Variants in INMT observed in about 807,000 individuals in gnomAD.
INMT encodes the protein amine N-methyltransferase.
In INMT, 11 loss-of-function variants were observed where a neutral mutation model predicts 11.5. That is an observed-to-expected ratio of 0.95 (90% confidence interval 0.60 to 1.58). INMT has a LOEUF of 1.58. Among genes scored for constraint, INMT ranks in the 40% most tolerant of loss-of-function variants. The pLI is 0.00. For missense variants in INMT, 316 were observed against 336.1 expected, an observed-to-expected ratio of 0.94 and a Z score of 0.47; for synonymous variants, 155 against 142.9, an observed-to-expected ratio of 1.08 and a Z score of -0.60.
Position 30,757,394 on chromosome 7 carries a change from G to A in INMT, c.*1543G>A. 1 of 244,044 alleles carries A rather than the reference G, an allele frequency of 4.1e-6. No individual in the cohort carries two copies. The allele number at this position is 244,044 out of a possible 1,614,324, so 15.1% of individuals were successfully genotyped here. ...GCCAAAGCTGTCCGTTTTGCAGATG[G>A]ACAGGAAGGAGCCAGGACACAGCTC... On this transcript the variant is annotated 3_prime_UTR_variant, in exon 3 of 3. Transcript: ENST00000013222.
rs886623687 is a variant in INMT, at chr7:30,753,744, GGACACGCT to G, written c.171_178del (p.Thr58Ter). 3 of 1,613,948 alleles carry G rather than the reference GGACACGCT, an allele frequency of 1.9e-6. No individual in the cohort carries two copies. Among genetic ancestry groups the G allele is most frequent in the African/African-American group, 2.7e-5 (2 of 74,892 alleles). ...TCCCTCCCACAGGAGGCCTCCAAGG[GGACACGCT>G]GATTGACATTGGCTCAGGTCCTACC... On this transcript the variant is annotated frameshift_variant, in exon 2 of 3. Coordinates refer to ENST00000013222, the MANE Select transcript of INMT (RefSeq NM_006774.5). LOFTEE classifies it high-confidence loss of function.
chr7:30,755,771 A>G lies in INMT; in HGVS notation c.712A>G (p.Ser238Gly), dbSNP rs776680865. ...AGFDIEQLLH[S>G]PQSYSVTNAA... ...CTTTGACATTGAACAGCTCCTACAC[A>G]GTCCCCAGAGCTACTCTGTCACCAA... The change falls in exon 3 of 3, where the codon AGT becomes GGT. Residue 238 changes from serine to glycine, a missense_variant. Physicochemically the swap from Ser to Gly is moderately conservative, Grantham distance 56. Coordinates refer to ENST00000013222, the MANE Select transcript of INMT (RefSeq NM_006774.5). 2.0e-5 allele frequency: 33 copies of G among 1,614,022 alleles called. No homozygotes were observed. Among genetic ancestry groups the G allele is most frequent in the Non-Finnish European group, 2.7e-5 (32 of 1,180,016 alleles).
chr7:30,755,873 T>G lies in INMT; in HGVS notation c.*22T>G, dbSNP rs1447591162. ...CTGAGCCAGGAGGGCCAGCCAGAGG[T>G]CTGGTCAGGCTGTGAGGCCTTGGCC... is the stretch of plus-strand genomic sequence containing the variant. On this transcript the variant is annotated 3_prime_UTR_variant, in exon 3 of 3. Transcript: ENST00000013222. 6.3e-7 allele frequency: 1 copy of G among 1,594,020 alleles called. No homozygotes were observed. Among genetic ancestry groups the G allele is most frequent in the Non-Finnish European group, 8.5e-7 (1 of 1,170,670 alleles).
At chr7:30,752,423 G>C in intron 1 of INMT, 119 bp downstream of exon 1, 1 of 745,606 alleles carries the variant, frequency 1.3e-6, no homozygotes, top group Admixed American at 2.6e-5. Flanking sequence ...ATGGGCTGGG[G>C]GAGCTTCTGG....
Position 30,755,521 on chromosome 7 carries a change from G to A in INMT, c.462G>A (p.Leu154=), listed in dbSNP as rs1054892616. The change falls in exon 3 of 3, where the codon TTG becomes TTA. Residue 154 remains leucine, a synonymous_variant. Transcript: ENST00000013222. Reference sequence around the variant, plus strand: ...GCAACCCGCTGGCCCCGGCTGTGTTGCCTCTCGCCGACTGTGTGCTCACCC... The same window carrying A: ...GCAACCCGCTGGCCCCGGCTGTGTTACCTCTCGCCGACTGTGTGCTCACCC... ...HLGNPLAPAV[L]PLADCVLTLL... The A allele has an allele frequency of 6.2e-7, 1 of 1,609,330 alleles. No individual in the cohort carries two copies. Among genetic ancestry groups the A allele is most frequent in the East Asian group, 2.2e-5 (1 of 44,888 alleles).
Position 30,755,639 on chromosome 7 carries a change from G to T in INMT, c.580G>T (p.Val194Leu). Residue 194 changes from valine to leucine, a missense_variant, in exon 3 of 3, where the codon GTG (valine) becomes TTG (leucine). Coordinates refer to ENST00000013222, the MANE Select transcript of INMT (RefSeq NM_006774.5). ...ACTGCTCAAGCCGGGTGGCCACCTG[G>T]TGACCACTGTCACGCTTCGGCTCCC... The part of the protein sequence containing the change: ...ASLLKPGGHL[V>L]TTVTLRLPSY... 6.2e-7 allele frequency: 1 copy of T among 1,614,220 alleles called. No individual in the cohort carries two copies. Among genetic ancestry groups the T allele is most frequent in the Non-Finnish European group, 8.5e-7 (1 of 1,180,042 alleles).
chr7:30,757,344 T>A lies in INMT; in HGVS notation c.*1493T>A. 1 of 224,936 alleles carries A rather than the reference T, an allele frequency of 4.4e-6. No homozygotes were observed. Among genetic ancestry groups the A allele is most frequent in the Non-Finnish European group, 8.7e-6 (1 of 114,570 alleles). 13.9% of individuals were successfully genotyped at this position (224,936 alleles called of 1,614,324 possible). ...ACATGGCTTGACATGGTGGGCACACTGGCGCCCAGTAAGAGAGAGAGAGAG... is the reference window on the plus strand; with the variant it reads ...ACATGGCTTGACATGGTGGGCACACAGGCGCCCAGTAAGAGAGAGAGAGAG... On this transcript the variant is annotated 3_prime_UTR_variant, in exon 3 of 3. Transcript: ENST00000013222.
chr7:30,754,321 A>C lies in INMT; in HGVS notation c.362+383A>C, dbSNP rs1252641222. 6.6e-6 allele frequency among the ~76,000 whole-genome samples: 1 copy of C among 151,584 alleles called. No individual in the cohort carries two copies. Among genetic ancestry groups the C allele is most frequent in the Non-Finnish European group, 1.5e-5 (1 of 67,930 alleles). On this transcript the variant is annotated intron_variant, in intron 2 of 2. Coordinates refer to ENST00000013222, the MANE Select transcript of INMT (RefSeq NM_006774.5). The surrounding 1 kb of genome is among the most constrained non-coding windows in gnomAD (Gnocchi z 4.9). ...CACCGGTTCATCCATTCATCCATCC[A>C]TCCATCCATCCATCCATATTCATGC... is the stretch of plus-strand genomic sequence containing the variant.
At position 30,754,413 on chromosome 7, in the gene INMT, A is replaced by ATC. The variant is rs1786172211; in HGVS notation, c.362+477_362+478dup. 6.7e-6 allele frequency among the ~76,000 whole-genome samples: 1 copy of ATC among 149,894 alleles called. No homozygotes were observed. The highest frequency in any genetic ancestry group is 1.5e-5 in the Non-Finnish European group (1 of 67,608). On this transcript the variant is annotated intron_variant, in intron 2 of 2. Coordinates refer to ENST00000013222, the MANE Select transcript of INMT (RefSeq NM_006774.5). The surrounding 1 kb of genome is among the most constrained non-coding windows in gnomAD (Gnocchi z 4.9). ...CAACTAGCCGTTCACCTATCCATCC[A>ATC]TCTATCCATCCGTCCATTCATCCAT... is the stretch of plus-strand genomic sequence containing the variant.
Position 30,756,223 on chromosome 7 carries a change from T to A in INMT, c.*372T>A, listed in dbSNP as rs1399665811. The A allele has an allele frequency of 1.0e-6, 1 of 1,001,724 alleles. No individual in the cohort carries two copies. Among genetic ancestry groups the A allele is most frequent in the African/African-American group, 1.8e-5 (1 of 56,356 alleles). 62.1% of individuals were successfully genotyped at this position (1,001,724 alleles called of 1,614,324 possible). A position where few individuals can be genotyped will look rare whatever the true frequency, so the allele number is the denominator to read the frequency against. The stretch of plus-strand genomic sequence containing the variant: ...TAAGGACAAGGAAACCTCTGGACAG[T>A]GGTATATTGGGGAATTTTTTTTTTT... On this transcript the variant is annotated 3_prime_UTR_variant, in exon 3 of 3. Coordinates refer to ENST00000013222, the MANE Select transcript of INMT (RefSeq NM_006774.5).
intron 1 of INMT, among the ~76,000 whole-genome samples, chr7:30,753,186 T>A (rs966142786): frequency 1.3e-5 from 2 of 152,214 alleles, no homozygotes; most frequent in Non-Finnish European, 2.9e-5. Context: ...TGGGGCCATC[T>A]TCCCAGATCA....
rs554240020 is a variant in INMT at position 30,754,940 on chromosome 7, A to G, written c.363-482A>G. ...AAATTTTTTTCTTGCATACTTATGT[A>G]TATCTAAACAATCTATAATTTAGTT... On this transcript the variant is annotated intron_variant, in intron 2 of 2. Coordinates refer to ENST00000013222, the MANE Select transcript of INMT (RefSeq NM_006774.5). This position sits in a 1 kb window ranked among gnomAD's most constrained non-coding sequence, Gnocchi z 4.9. 8.7e-4 allele frequency among the ~76,000 whole-genome samples: 133 copies of G among 152,290 alleles called. No individual in the cohort carries two copies. The highest frequency in any genetic ancestry group is 2.9e-3 in the African/African-American group (119 of 41,550).
rs1199265997 is a variant in INMT at position 30,753,899 on chromosome 7, C to G, written c.323C>G (p.Thr108Ser). Residue 108 changes from threonine (T) to serine (S), a missense_variant, in exon 2 of 3, where the codon ACC becomes AGC. Thr to Ser is a moderately conservative substitution (Grantham distance 58). Coordinates refer to ENST00000013222, the MANE Select transcript of INMT (RefSeq NM_006774.5). Reference sequence around the variant, plus strand: ...AAGGAGCCGGGGGCCTATGACTGGACCCCAGCGGTGAAATTCGCCTGTGAG... The same window carrying G: ...AAGGAGCCGGGGGCCTATGACTGGAGCCCAGCGGTGAAATTCGCCTGTGAG... ...LKKEPGAYDWTPAVKFACELE... is the reference protein window; with the variant it reads ...LKKEPGAYDWSPAVKFACELE... 1 of 1,614,148 alleles carries G rather than the reference C, an allele frequency of 6.2e-7. No homozygotes were observed. The highest frequency in any genetic ancestry group is 1.7e-5 in the Admixed American group (1 of 60,022).
At chr7:30,753,105 C>T (rs767710445) in intron 1 of INMT, among the ~76,000 whole-genome samples, 6 of 152,188 alleles carry the variant, frequency 3.9e-5, no homozygotes, top group Non-Finnish European at 1.5e-5. Flanking sequence ...GATGGCCCCA[C>T]GCCAGGGCTC....
intron 1 of INMT, among the ~76,000 whole-genome samples, chr7:30,752,608 G>A (rs1441383877): frequency 6.6e-6 from 1 of 152,210 alleles, no homozygotes; most frequent in Non-Finnish European, 1.5e-5. Flanking sequence ...TCATCATCAA[G>A]TTCAGTCCTG....
Position 30,754,002 on chromosome 7 carries a change from C to A in INMT, c.362+64C>A. 1 of 1,524,794 alleles carries A rather than the reference C, an allele frequency of 6.6e-7. No individual in the cohort carries two copies. The highest frequency in any genetic ancestry group is 9.0e-7 in the Non-Finnish European group (1 of 1,110,504). The allele number at this position is 1,524,794 out of a possible 1,614,324, so 94.5% of individuals were successfully genotyped here. A position where few individuals can be genotyped will look rare whatever the true frequency, so the allele number is the denominator to read the frequency against. Reference sequence around the variant, plus strand: ...CCTTCTTTCTCAGAAGTCTCCCTGGCCTCTTTGTTGTCTCTGACATTTTCA... The same window carrying A: ...CCTTCTTTCTCAGAAGTCTCCCTGGACTCTTTGTTGTCTCTGACATTTTCA... On this transcript the variant is annotated intron_variant, in intron 2 of 2. Transcript: ENST00000013222. This position sits in a 1 kb window ranked among gnomAD's most constrained non-coding sequence, Gnocchi z 4.9.
At chr7:30,753,115 C>G (rs1262549728) in intron 1 of INMT, among the ~76,000 whole-genome samples, 1 of 152,160 alleles carries the variant, frequency 6.6e-6, no homozygotes, top group Non-Finnish European at 1.5e-5. Flanking sequence ...CGCCAGGGCT[C>G]CAGACAGAAT....
chr7:30,753,784 C>T lies in INMT; in HGVS notation c.208C>T (p.Gln70Ter). 1 of 1,614,210 alleles carries T rather than the reference C, an allele frequency of 6.2e-7. No individual in the cohort carries two copies. The highest frequency in any genetic ancestry group is 8.5e-7 in the Non-Finnish European group (1 of 1,180,030). The change falls in exon 2 of 3, where the codon CAA becomes TAA. Residue 70 changes from glutamine (Q) to a stop codon, truncating the protein, a stop_gained. Transcript: ENST00000013222. LOFTEE classifies it high-confidence loss of function. Reference protein sequence around the residue: ...IDIGSGPTIYQVLAACDSFQD... With the variant: ...IDIGSGPTIY The stretch of plus-strand genomic sequence containing the variant: ...CATTGGCTCAGGTCCTACCATCTAC[C>T]AAGTTCTTGCTGCCTGTGATTCCTT...
In INMT at chr7:30,755,572, T is replaced by TAGCCTTG. The variant is rs1321386670; in HGVS notation, c.515_521dup (p.Asp174GlufsTer3). The stretch of plus-strand genomic sequence containing the variant: ...TGCTGGCCATGGAGTGTGCCTGCTG[T>TAGCCTTG]AGCCTTGATGCCTACCGCGCTGCCC... On this transcript the variant is annotated frameshift_variant, in exon 3 of 3. Transcript: ENST00000013222. LOFTEE classifies it low-confidence loss of function (END_TRUNC). The TAGCCTTG allele has an allele frequency of 6.2e-7, 1 of 1,613,906 alleles. No homozygotes were observed. The highest frequency in any genetic ancestry group is 8.5e-7 in the Non-Finnish European group (1 of 1,180,044).
Sources: allele counts gnomAD v4.1 joint callset (sites outside exome capture counted in the v4.1 genomes callset), GRCh38; gene constraint gnomAD v4.1.1; non-coding constraint Gnocchi (gnomAD v3.1); transcripts MANE v1.5; gene names NCBI Gene and HGNC (gene_info 2026-07-23, HGNC 2026-07-21).